The following GPC6 variants were observed in gnomAD, a reference collection of about 807,000 sequenced individuals.
GPC6 encodes the protein glypican 6.
A neutral mutation model predicts 55.2 loss-of-function variants in GPC6; 14 were observed. The ratio of observed to expected loss-of-function variants is 0.25; its 90% CI spans 0.17 to 0.40. The LOEUF (loss-of-function observed/expected upper bound fraction) is 0.40, where lower values mean the gene tolerates loss of function less well. Among genes scored for constraint, GPC6 ranks in the 10% least tolerant of loss-of-function variants. The pLI, the probability that GPC6 is intolerant of heterozygous loss-of-function variation, is 1.00. For synonymous variants in GPC6, 278 were observed against 259.6 expected (o/e 1.07, Z -0.68); for missense variants, 641 against 708.5 (o/e 0.90, Z 1.08).
chr13:93,475,112 A>G (rs966557487), intron 1 of GPC6, among the ~76,000 whole-genome samples: 4 of 152,182 alleles, frequency 2.6e-5, no homozygotes, highest in African/African-American at 9.7e-5. Flanking sequence ...ACGACACTCC[A>G]GTCTGGGTGA....
chr13:94,383,387 G>C lies in GPC6; in HGVS notation c.1289+837G>C, dbSNP rs1880263102. Among the ~76,000 whole-genome samples the C allele has an allele frequency of 2.0e-5, 3 of 152,158 alleles. No homozygotes were observed. In the South Asian group the frequency reaches 6.2e-4, roughly 32 times the overall value. ...AAGAGGGGAGTCTGTTCTGGGGCTT[G>C]ACTGAGCAGTTTCAAGCATATGAAG... On this transcript the variant is annotated intron_variant, in intron 7 of 8. Coordinates refer to ENST00000377047, the MANE Select transcript of GPC6 (RefSeq NM_005708.5).
chr13:94,060,740 C>T (rs149702333), intron 4 of GPC6, among the ~76,000 whole-genome samples: 15 of 152,256 alleles, frequency 9.9e-5, no homozygotes, highest in African/African-American at 3.4e-4. Flanking sequence ...CAAGTATAAT[C>T]CTGCATTAAT....
At chr13:93,924,459 T>C (rs1877745834) in intron 3 of GPC6, among the ~76,000 whole-genome samples, 2 of 152,226 alleles carry the variant, frequency 1.3e-5, no homozygotes, top group Admixed American at 6.5e-5. Flanking sequence ...ATGCTTTTTT[T>C]CCCTTCAAAT....
intron 6 of GPC6, among the ~76,000 whole-genome samples, chr13:94,343,993 A>T (rs139576189): frequency 2.0e-5 from 3 of 152,220 alleles, no homozygotes; most frequent in African/African-American, 7.2e-5. Flanking sequence ...AGCCTCCCAA[A>T]GTTTTGGGAT....
intron 4 of GPC6, among the ~76,000 whole-genome samples, chr13:94,255,725 C>T (rs11838420): frequency 2.0e-5 from 3 of 152,152 alleles, no homozygotes; most frequent in Admixed American, 6.5e-5. Flanking sequence ...ACAGAAGCCT[C>T]ATCAGCCAGG....
chr13:93,481,940 T>A (rs1233801601), intron 1 of GPC6, among the ~76,000 whole-genome samples: 15 of 152,152 alleles, frequency 9.9e-5, no homozygotes, highest in Non-Finnish European at 1.8e-4. Flanking sequence ...GCTTGTCAAT[T>A]TTTTTAAAGG....
intron 5 of GPC6, among the ~76,000 whole-genome samples, chr13:94,291,421 C>T (rs1178657481): frequency 2.0e-5 from 3 of 151,918 alleles, no homozygotes; most frequent in African/African-American, 7.3e-5. Flanking sequence ...ATGTGGAAGA[C>T]GGAGTTAAGG....
At chr13:94,335,851 G>A (rs183016180) in intron 6 of GPC6, among the ~76,000 whole-genome samples, 124 of 151,416 alleles carry the variant, frequency 8.2e-4, no homozygotes, top group Admixed American at 2.2e-3. Context: ...TTCCCTCATC[G>A]TTCTCTTCCT....
chr13:93,437,295 T>C (rs1466111016), intron 1 of GPC6, among the ~76,000 whole-genome samples: 1 of 152,176 alleles, frequency 6.6e-6, no homozygotes, highest in East Asian at 1.9e-4. Flanking sequence ...AGAGGAGTCA[T>C]GTATTTTCCA....
At chr13:94,206,553 C>G (rs1373210753) in intron 4 of GPC6, among the ~76,000 whole-genome samples, 1 of 151,920 alleles carries the variant, frequency 6.6e-6, no homozygotes, top group African/African-American at 2.4e-5. Flanking sequence ...CTAGCTAATT[C>G]CTAAAAATAG....
chr13:93,703,943 T>C (rs1366511814), intron 2 of GPC6, among the ~76,000 whole-genome samples: 1 of 152,014 alleles, frequency 6.6e-6, no homozygotes, highest in East Asian at 1.9e-4. Context: ...GGCTTTGTAA[T>C]GATGATAGAG....
intron 1 of GPC6, among the ~76,000 whole-genome samples, chr13:93,467,767 T>G (rs1878965955): frequency 6.6e-6 from 1 of 151,850 alleles, no homozygotes; most frequent in Non-Finnish European, 1.5e-5. Flanking sequence ...TATTTTTATT[T>G]TTTTGTAGAG....
At chr13:94,007,896 A>C (rs560635021) in intron 3 of GPC6, among the ~76,000 whole-genome samples, 1 of 152,296 alleles carries the variant, frequency 6.6e-6, no homozygotes, top group South Asian at 2.1e-4. Context: ...CAATTCAGAT[A>C]ATATACACTT....
chr13:94,207,291 C>T (rs143962410), intron 4 of GPC6, among the ~76,000 whole-genome samples: 2 of 152,290 alleles, frequency 1.3e-5, no homozygotes, highest in African/African-American at 2.4e-5. Flanking sequence ...AAGACAAATC[C>T]TGGGTACATT....
intron 2 of GPC6, among the ~76,000 whole-genome samples, chr13:93,701,677 A>G (rs1882675598): frequency 1.3e-5 from 2 of 152,060 alleles, no homozygotes; most frequent in Admixed American, 1.3e-4. Context: ...ACTTTACAAA[A>G]TAAGTTCATG....
chr13:94,067,166 A>G (rs574211726), intron 4 of GPC6, among the ~76,000 whole-genome samples: 59 of 152,312 alleles, frequency 3.9e-4, no homozygotes, highest in Non-Finnish European at 6.9e-4. Flanking sequence ...CTCAAATTCC[A>G]AAGTTATCAG....
intron 1 of GPC6, among the ~76,000 whole-genome samples, chr13:93,277,466 A>G (rs1375353653): frequency 6.6e-6 from 1 of 152,202 alleles, no homozygotes; most frequent in Non-Finnish European, 1.5e-5. Context: ...ATTATATTGG[A>G]GGCATTAAAA....
intron 3 of GPC6, among the ~76,000 whole-genome samples, chr13:94,016,344 A>G (rs759785934): frequency 2.0e-5 from 3 of 152,236 alleles, no homozygotes; most frequent in Non-Finnish European, 4.4e-5. Context: ...GTGAATGAGA[A>G]TCTAATGCCT....
intron 4 of GPC6, among the ~76,000 whole-genome samples, chr13:94,081,001 A>G (rs551319151): frequency 6.6e-6 from 1 of 152,308 alleles, no homozygotes; most frequent in South Asian, 2.1e-4. Context: ...CTAGCAATGT[A>G]ACAGAATGTT....
Sources: gnomAD v4.1 joint callset for allele counts (sites outside exome capture counted in the v4.1 genomes callset) on GRCh38, gnomAD v4.1.1 for gene constraint, MANE v1.5 for transcripts, NCBI Gene and HGNC (gene_info 2026-07-23, HGNC 2026-07-21) for gene names.